Variants in TNS3 observed in about 807,000 individuals in gnomAD.
The protein encoded by TNS3 is tensin-3.
In TNS3, 45 loss-of-function variants were observed where a neutral mutation model predicts 140.9. The observed-to-expected ratio is 0.32, with a 90% CI of 0.25 to 0.41. The LOEUF is 0.41. Ranked by LOEUF, TNS3 falls within the 10% of genes least tolerant of loss-of-function variation. The pLI is 1.00. For synonymous variants in TNS3, 815 were observed against 788.4 expected (o/e 1.03, Z -0.56); for missense variants, 1,716 against 1,906.7 (o/e 0.90, Z 1.86).
At chr7:47,518,222 A>G (rs1006396665) in intron 2 of TNS3, among the ~76,000 whole-genome samples, 2 of 152,150 alleles carry the variant, frequency 1.3e-5, no homozygotes, top group African/African-American at 2.4e-5. Context: ...AAACTCAGGA[A>G]TGGGGATAAG....
chr7:47,356,212 T>A (rs768826809), intron 17 of TNS3, among the ~76,000 whole-genome samples: 1 of 152,152 alleles, frequency 6.6e-6, no homozygotes. Context: ...TATACAACAG[T>A]GGTTCTCAAA....
chr7:47,487,890 T>C (rs1453537033), intron 3 of TNS3, among the ~76,000 whole-genome samples: 3 of 152,208 alleles, frequency 2.0e-5, no homozygotes, highest in Non-Finnish European at 2.9e-5. Flanking sequence ...CAGTACTTTC[T>C]TTCCTAAGTC....
At chr7:47,451,121 A>G (rs1225913851) in intron 4 of TNS3, among the ~76,000 whole-genome samples, 1 of 151,594 alleles carries the variant, frequency 6.6e-6, no homozygotes, top group Non-Finnish European at 1.5e-5. Flanking sequence ...GACGCTGTCT[A>G]AAAAATAAGA....
At chr7:47,335,450 G>A (rs1788578855) in intron 20 of TNS3, among the ~76,000 whole-genome samples, 1 of 152,202 alleles carries the variant, frequency 6.6e-6, no homozygotes, top group African/African-American at 2.4e-5. Flanking sequence ...ATTTAAATAT[G>A]CATAATGTGA....
chr7:47,280,613 G>A (rs1320868372), intron 28 of TNS3, among the ~76,000 whole-genome samples: 2 of 152,180 alleles, frequency 1.3e-5, no homozygotes, highest in Non-Finnish European at 2.9e-5. Flanking sequence ...GGCGGGAATC[G>A]GGTCAAGAAG....
chr7:47,567,302 G>A (rs1269547820), intron 1 of TNS3, among the ~76,000 whole-genome samples: 1 of 152,060 alleles, frequency 6.6e-6, no homozygotes, highest in Non-Finnish European at 1.5e-5. Context: ...CAGGATACAA[G>A]GTAAACATAC....
At chr7:47,483,171 ATTT>A (rs10716006) in intron 3 of TNS3, among the ~76,000 whole-genome samples, 3 of 139,506 alleles carry the variant, frequency 2.2e-5, no homozygotes. Context: ...AGTGTGTCCA[ATTT>A]TTTTTTTTTT....
chr7:47,378,614 C>T (rs1375116176), intron 16 of TNS3, among the ~76,000 whole-genome samples: 1 of 152,232 alleles, frequency 6.6e-6, no homozygotes, highest in East Asian at 1.9e-4. Flanking sequence ...TGGGCAACCA[C>T]TGTCTTCCAA....
intron 17 of TNS3, among the ~76,000 whole-genome samples, chr7:47,359,373 T>C (rs1790188175): frequency 6.6e-6 from 1 of 152,152 alleles, no homozygotes; most frequent in African/African-American, 2.4e-5. Flanking sequence ...GATGAGTGAG[T>C]GCCAGGGGTT....
Position 47,563,341 on chromosome 7 carries a change from G to A in TNS3, c.-265+18710C>T, listed in dbSNP as rs557263236. Among the ~76,000 whole-genome samples, 15 of 152,332 alleles carry A rather than the reference G, an allele frequency of 9.8e-5. 1 individual carries two copies. The East Asian group carries it at 2.1e-3, about 22-fold the overall frequency. On this transcript the variant is annotated intron_variant, in intron 1 of 30. Transcript: ENST00000311160. ...AGCTGAGGGCAGCTCACACTTTCAC[G>A]AACGTCTCCTGGGTGCTCACTCTGA...
At chr7:47,444,616 C>G (rs180990498) in intron 4 of TNS3, among the ~76,000 whole-genome samples, 38 of 152,216 alleles carry the variant, frequency 2.5e-4, no homozygotes, top group African/African-American at 8.7e-4. Context: ...CTCTGCTGTC[C>G]CTGACGGAAC....
At chr7:47,322,636 G>T (rs1174657365) in intron 20 of TNS3, among the ~76,000 whole-genome samples, 1 of 152,108 alleles carries the variant, frequency 6.6e-6, no homozygotes, top group Non-Finnish European at 1.5e-5. Flanking sequence ...AAAGAAAAAA[G>T]AAAATGGTTT....
chr7:47,341,633 C>T (rs1296333324), intron 20 of TNS3, among the ~76,000 whole-genome samples: 1 of 152,022 alleles, frequency 6.6e-6, no homozygotes, highest in African/African-American at 2.4e-5. Flanking sequence ...GTTAGTCTTG[C>T]TAGAGGTTTG....
intron 3 of TNS3, among the ~76,000 whole-genome samples, chr7:47,483,626 T>G (rs1283495303): frequency 6.6e-6 from 1 of 152,218 alleles, no homozygotes; most frequent in African/African-American, 2.4e-5. Flanking sequence ...CGGCAGCCAC[T>G]TAAGGATTTG....
intron 4 of TNS3, among the ~76,000 whole-genome samples, chr7:47,461,517 GC>G (rs1796489824): frequency 6.6e-6 from 1 of 152,120 alleles, no homozygotes; most frequent in African/African-American, 2.4e-5. Flanking sequence ...GACCGAAGGG[GC>G]CCAGGGCCTT....
chr7:47,525,924 G>C (rs1287824077), intron 2 of TNS3, among the ~76,000 whole-genome samples: 2 of 152,182 alleles, frequency 1.3e-5, no homozygotes, highest in African/African-American at 4.8e-5. Flanking sequence ...TCAATCTGGG[G>C]TCCTTCCCTG....
intron 1 of TNS3, among the ~76,000 whole-genome samples, chr7:47,567,102 A>G (rs1800446743): frequency 6.6e-6 from 1 of 152,004 alleles, no homozygotes; most frequent in Admixed American, 6.6e-5. Flanking sequence ...TACCTCACAC[A>G]TATGTAATCA....
chr7:47,304,610 G>A (rs1310106969), intron 21 of TNS3, among the ~76,000 whole-genome samples: 1 of 151,550 alleles, frequency 6.6e-6, no homozygotes, highest in Non-Finnish European at 1.5e-5. Flanking sequence ...TTTCCTGTAT[G>A]TCCCTATATT....
chr7:47,346,699 G>A (rs1434458854), intron 17 of TNS3, among the ~76,000 whole-genome samples: 2 of 152,158 alleles, frequency 1.3e-5, no homozygotes, highest in Non-Finnish European at 2.9e-5. Context: ...TGGGACTGAC[G>A]ATGACCCAGC....
Sources: gnomAD v4.1 joint callset for allele counts (sites outside exome capture counted in the v4.1 genomes callset) on GRCh38, gnomAD v4.1.1 for gene constraint, MANE v1.5 for transcripts, NCBI Gene and HGNC (gene_info 2026-07-23, HGNC 2026-07-21) for gene names.